Variants in FUBP3 observed in about 807,000 individuals in gnomAD.
The protein encoded by FUBP3 is far upstream element-binding protein 3.
A neutral mutation model predicts 85.6 loss-of-function variants in FUBP3; 28 were observed. The ratio of observed to expected loss-of-function variants is 0.33; its 90% confidence interval spans 0.24 to 0.45. The LOEUF (loss-of-function observed/expected upper bound fraction) is 0.45, where lower values mean the gene tolerates loss of function less well. FUBP3 is among the 20% of genes least tolerant of loss of function. FUBP3 has a pLI of 1.00. For synonymous variants in FUBP3, 271 were observed against 271.4 expected (o/e 1.00, Z 0.01); for missense variants, 583 against 755.1 (o/e 0.77, Z 2.67).
intron 2 of FUBP3, 131 bp from the exon 3 acceptor site, chr9:130,609,823 G>A (rs534564647): frequency 1.8e-5 from 13 of 715,834 alleles, no homozygotes; most frequent in South Asian, 7.8e-5. Flanking sequence ...CAGCCACTGA[G>A]CCTAAATTAC....
At chr9:130,598,173 CT>C (rs1401505852) in intron 2 of FUBP3, among the ~76,000 whole-genome samples, 5 of 152,134 alleles carry the variant, frequency 3.3e-5, no homozygotes, top group Admixed American at 3.3e-4. Flanking sequence ...CTGATAATCT[CT>C]TTATTAGTGC....
At chr9:130,636,984 A>G (rs777832509) in intron 18 of FUBP3, 30 bp from the exon 19 acceptor site, 12 of 1,609,060 alleles carry the variant, frequency 7.5e-6, no homozygotes, top group Non-Finnish European at 1.0e-5. Flanking sequence ...CTGCCATCAC[A>G]GACTAATTCC....
intron 1 of FUBP3, among the ~76,000 whole-genome samples, chr9:130,589,732 A>T (rs12337578): frequency 0.11 from 9,880 of 93,710 alleles, 825 homozygotes; most frequent in East Asian, 0.23. Context: ...TTTTTTTAAG[A>T]GACAGGGTCT....
rs372531096 is a variant in FUBP3, at chr9:130,623,597, A to C, written c.875-14A>C. 20 of 1,555,846 alleles carry C rather than the reference A, an allele frequency of 1.3e-5. No homozygotes were observed. The African/African-American group carries it at 2.7e-4, about 21-fold the overall frequency. ...GGGCTTTTTTCTAATCCTGTCTCTC[A>C]CCTGGCTCCTCAGATGATGGGATTA... On this transcript the variant is annotated splice_polypyrimidine_tract_variant and intron_variant, in intron 10 of 18. Transcript: ENST00000319725.
Position 130,579,627 on chromosome 9 carries a change from C to T in FUBP3, c.-54C>T. ...GGAGCGGGAGGCCGGACCGGGGAGC[C>T]GAGCGGCGGCGTCGGCGGCGTCGGC... On this transcript the variant is annotated 5_prime_UTR_variant, in exon 1 of 19. Coordinates refer to ENST00000319725, the MANE Select transcript of FUBP3 (RefSeq NM_003934.2). 9.0e-7 allele frequency: 1 copy of T among 1,111,550 alleles called. No individual in the cohort carries two copies. Among genetic ancestry groups the T allele is most frequent in the Non-Finnish European group, 1.1e-6 (1 of 877,768 alleles). 68.9% of individuals were successfully genotyped at this position (1,111,550 alleles called of 1,614,324 possible).
At chr9:130,620,314 G>T in intron 8 of FUBP3, 40 bp from the exon 9 acceptor site, 2 of 1,266,850 alleles carry the variant, frequency 1.6e-6, no homozygotes, top group Non-Finnish European at 2.2e-6. Flanking sequence ...CTTTTTTCAG[G>T]AATTTTTTCT....
At position 130,589,701 on chromosome 9, in the gene FUBP3, A is replaced by ATT. The variant is rs1416100381; in HGVS notation, c.85-5781_85-5780insTT. Among the ~76,000 whole-genome samples, 62 of 27,986 alleles carry ATT rather than the reference A, an allele frequency of 2.2e-3. 1 individual carries two copies. Among genetic ancestry groups the ATT allele is most frequent in the African/African-American group, 0.011 (55 of 4,818 alleles). The allele number at this position is 27,986 out of a possible 152,430, so 18.4% of individuals were successfully genotyped here. ...TATATATATATATATATATATATATATATATTTTTTTTTTTTTTTTTTTTT... is the reference window on the plus strand; with the variant it reads ...TATATATATATATATATATATATATATTTATATTTTTTTTTTTTTTTTTTTTT... On this transcript the variant is annotated intron_variant, in intron 1 of 18. Transcript: ENST00000319725.
chr9:130,617,625 C>T (rs112719733), intron 7 of FUBP3, among the ~76,000 whole-genome samples, 172 bp from the exon 8 acceptor site: 171 of 152,350 alleles, frequency 1.1e-3, no homozygotes, highest in African/African-American at 3.8e-3. Flanking sequence ...TCGTACCCGA[C>T]CTATATGTCT....
At position 130,634,660 on chromosome 9, in the gene FUBP3, C is replaced by T. The variant is rs369864618; in HGVS notation, c.1511-7C>T. On this transcript the variant is annotated splice_region_variant and splice_polypyrimidine_tract_variant and intron_variant, in intron 16 of 18. Coordinates refer to ENST00000319725, the MANE Select transcript of FUBP3 (RefSeq NM_003934.2). ...AAGGCCTGACTGCTTTTGTGTTCTTCGCACAGGCCAGCAGAGCCAGCCGCA... is the reference window on the plus strand; with the variant it reads ...AAGGCCTGACTGCTTTTGTGTTCTTTGCACAGGCCAGCAGAGCCAGCCGCA... 1.5e-4 allele frequency: 235 copies of T among 1,612,356 alleles called. 3 individuals carry two copies. The highest frequency in any genetic ancestry group is 1.1e-3 in the South Asian group (98 of 90,896).
intron 5 of FUBP3, 41 bp from the exon 6 acceptor site, chr9:130,614,247 G>C (rs1297059626): frequency 1.5e-6 from 2 of 1,337,974 alleles, no homozygotes; most frequent in South Asian, 2.4e-5. Flanking sequence ...CATGTGCCCG[G>C]TGCCCACCAA....
At chr9:130,580,317 G>T (rs899578058) in intron 1 of FUBP3, among the ~76,000 whole-genome samples, 1 of 152,184 alleles carries the variant, frequency 6.6e-6, no homozygotes, top group African/African-American at 2.4e-5. Context: ...TGGCAAGCTT[G>T]CCTCTACTGG....
chr9:130,606,281 C>T (rs1449745610), intron 2 of FUBP3, among the ~76,000 whole-genome samples: 1 of 152,080 alleles, frequency 6.6e-6, no homozygotes, highest in Non-Finnish European at 1.5e-5. Flanking sequence ...GAGGAGACTG[C>T]AAATCCAAAG....
chr9:130,629,870 G>T (rs150913216), intron 12 of FUBP3, among the ~76,000 whole-genome samples: 18 of 152,310 alleles, frequency 1.2e-4, no homozygotes, highest in East Asian at 9.6e-4. Flanking sequence ...GAGCAGATCC[G>T]CAAGTTCTGT....
chr9:130,615,958 G>A (rs1445559448), intron 6 of FUBP3, among the ~76,000 whole-genome samples: 1 of 152,166 alleles, frequency 6.6e-6, no homozygotes, highest in African/African-American at 2.4e-5. Flanking sequence ...TTTAACAAAT[G>A]TATATATTGA....
intron 16 of FUBP3, among the ~76,000 whole-genome samples, chr9:130,632,827 C>T (rs908585722): frequency 6.6e-6 from 1 of 152,394 alleles, no homozygotes; most frequent in Non-Finnish European, 1.5e-5. Flanking sequence ...CCGCCACCCT[C>T]TCTGTCCCCA....
Position 130,600,897 on chromosome 9 carries a change from G to A in FUBP3, c.190+5309G>A, listed in dbSNP as rs368721830. Among the ~76,000 whole-genome samples the A allele has an allele frequency of 7.2e-5, 11 of 152,100 alleles. 1 individual carries two copies. Among genetic ancestry groups the A allele is most frequent in the East Asian group, 3.9e-4 (2 of 5,144 alleles). ...AGGCTGAGGTGGGAGGATTGCCTGA[G>A]CCTGGGAGGTCAAGACCACAGTAAG... is the stretch of plus-strand genomic sequence containing the variant. On this transcript the variant is annotated intron_variant, in intron 2 of 18. Transcript: ENST00000319725.
chr9:130,591,811 A>G (rs576358999), intron 1 of FUBP3, among the ~76,000 whole-genome samples: 6 of 152,344 alleles, frequency 3.9e-5, no homozygotes, highest in African/African-American at 1.4e-4. Context: ...TTTAATCTAA[A>G]TTAGGAATAG....
intron 2 of FUBP3, among the ~76,000 whole-genome samples, chr9:130,600,507 T>G (rs1182903138): frequency 6.6e-6 from 1 of 151,932 alleles, no homozygotes; most frequent in Non-Finnish European, 1.5e-5. Flanking sequence ...CTTTTCTTTC[T>G]TTTTTTTAAA....
chr9:130,589,705 A>ATAT (rs1414691549), intron 1 of FUBP3, among the ~76,000 whole-genome samples: 22 of 73,804 alleles, frequency 3.0e-4, no homozygotes, highest in Non-Finnish European at 4.6e-4. Context: ...ATATATATAT[A>ATAT]TTTTTTTTTT....
Sources: gnomAD v4.1 joint callset for allele counts (sites outside exome capture counted in the v4.1 genomes callset) on GRCh38, gnomAD v4.1.1 for gene constraint, MANE v1.5 for transcripts, NCBI Gene and HGNC (gene_info 2026-07-23, HGNC 2026-07-21) for gene names.